TOP1MT: variants seen among roughly 807,000 people sequenced by gnomAD.
The protein encoded by TOP1MT is DNA topoisomerase I mitochondrial.
In TOP1MT, 80 loss-of-function variants were observed where a neutral mutation model predicts 73.9. The observed-to-expected ratio is 1.08, with a 90% CI of 0.90 to 1.30. TOP1MT has a LOEUF of 1.30. Ranked by LOEUF, TOP1MT falls within the 50% of genes most tolerant of loss-of-function variation. The pLI, the probability that TOP1MT is intolerant of heterozygous loss-of-function variation, is 0.00. For synonymous variants in TOP1MT, 338 were observed against 326.4 expected (o/e 1.04, Z -0.38); for missense variants, 815 against 808.0 (o/e 1.01, Z -0.10).
At chr8:143,332,278 G>A (rs998744960) in intron 1 of TOP1MT, among the ~76,000 whole-genome samples, 6 of 152,254 alleles carry the variant, frequency 3.9e-5, no homozygotes, top group African/African-American at 7.2e-5. Flanking sequence ...GCGAGATGGG[G>A]CGTGGCTGGC....
At position 143,315,833 on chromosome 8, in the gene TOP1MT, G is replaced by A. The variant is rs1816143646; in HGVS notation, c.1459-12C>T. On this transcript the variant is annotated splice_polypyrimidine_tract_variant and intron_variant, in intron 11 of 13. Transcript: ENST00000329245. ...TTCTTTGCCTGGATCTGCAGGAAAA[G>A]GGTCCAGACAGGGCTGCCCCTCCCC... is the stretch of plus-strand genomic sequence containing the variant. 54 of 1,612,672 alleles carry A rather than the reference G, an allele frequency of 3.3e-5. No homozygotes were observed. The highest frequency in any genetic ancestry group is 4.2e-5 in the Non-Finnish European group (50 of 1,179,876).
At chr8:143,316,164 G>A (rs1406618120) in intron 10 of TOP1MT, 38 bp from the exon 11 acceptor site, 2 of 1,613,288 alleles carry the variant, frequency 1.2e-6, no homozygotes, top group South Asian at 1.1e-5. Flanking sequence ...CACCCACGGG[G>A]CCGGCCACCC....
At position 143,341,562 on chromosome 8, in the gene TOP1MT, G is replaced by A. The variant is rs2130403614; in HGVS notation, c.29+1658C>T. Among the ~76,000 whole-genome samples the A allele has an allele frequency of 1.3e-5, 2 of 152,362 alleles. 1 individual carries two copies. Among genetic ancestry groups the A allele is most frequent in the South Asian group, 4.1e-4 (2 of 4,826 alleles). On this transcript the variant is annotated intron_variant, in intron 2 of 5. Transcript: ENST00000518007. The surrounding 1 kb of genome is among the most constrained non-coding windows in gnomAD (Gnocchi z 4.1). ...CACCCCAGCAATGGCTGCCCTCCAT[G>A]GGCCTAACAGATGCTTTTAACTCAG...
intron 3 of TOP1MT, among the ~76,000 whole-genome samples, chr8:143,328,780 C>T (rs1816771660): frequency 6.6e-6 from 1 of 152,240 alleles, no homozygotes; most frequent in Non-Finnish European, 1.5e-5. Flanking sequence ...CAGGAAGATG[C>T]TGCGGGACAA....
At chr8:143,337,665 C>G (rs1243539724), upstream of TOP1MT, among the ~76,000 whole-genome samples, 1 of 152,132 alleles carries the variant, frequency 6.6e-6, no homozygotes, top group Non-Finnish European at 1.5e-5. Context: ...TTAAATTAGC[C>G]AGGCATGATG....
At position 143,329,203 on chromosome 8, in the gene TOP1MT, G is replaced by A. The variant is rs567291689; in HGVS notation, c.360+147C>T. 2.4e-3 allele frequency: 2,088 copies of A among 883,380 alleles called. 5 individuals are homozygous for A. Among genetic ancestry groups the A allele is most frequent in the Non-Finnish European group, 3.2e-3 (1,911 of 593,996 alleles). The allele number at this position is 883,380 out of a possible 1,614,324, so 54.7% of individuals were successfully genotyped here. ...GATGGCTTGAGCCCAGGAGCTCGAA[G>A]CTGCAAAGAGCCATGACGGCACCTG... On this transcript the variant is annotated intron_variant, in intron 3 of 13. Transcript: ENST00000329245.
At chr8:143,329,973 T>G (rs1816809888) in intron 2 of TOP1MT, among the ~76,000 whole-genome samples, 1 of 151,962 alleles carries the variant, frequency 6.6e-6, no homozygotes, top group Non-Finnish European at 1.5e-5. Flanking sequence ...GCGAGCAGAG[T>G]GAGAGGCTCG....
intron 4 of TOP1MT, among the ~76,000 whole-genome samples, chr8:143,325,756 C>T (rs75002748): frequency 0.028 from 4,214 of 152,230 alleles, 210 homozygotes; most frequent in African/African-American, 0.097. Context: ...CTGGACTCCC[C>T]GGCCCCTGCA....
chr8:143,318,347 G>A (rs187665579), intron 8 of TOP1MT, among the ~76,000 whole-genome samples: 14 of 152,314 alleles, frequency 9.2e-5, no homozygotes, highest in Admixed American at 2.0e-4. Flanking sequence ...GGGTGACCGC[G>A]GCAGGTGGCC....
rs772323473 is a variant in TOP1MT at position 143,317,717 on chromosome 8, G to C, written c.1330+6C>G. 4 of 1,611,294 alleles carry C rather than the reference G, an allele frequency of 2.5e-6. No individual in the cohort carries two copies. ...CGCGCTGAGTGTGGGTGTGGGGCAG[G>C]CTCACCGCGCGTCAGGGCCCGCAGC... is the stretch of plus-strand genomic sequence containing the variant. On this transcript the variant is annotated splice_donor_region_variant and intron_variant, in intron 10 of 13. Transcript: ENST00000329245.
At chr8:143,331,574 C>T (rs900230774) in intron 1 of TOP1MT, among the ~76,000 whole-genome samples, 3 of 152,208 alleles carry the variant, frequency 2.0e-5, no homozygotes, top group Non-Finnish European at 4.4e-5. Context: ...TGCTGAGTCA[C>T]GGATCCCACC....
chr8:143,340,525 C>T (rs1225425516), intron 2 of TOP1MT, among the ~76,000 whole-genome samples: 1 of 152,078 alleles, frequency 6.6e-6, no homozygotes, highest in Admixed American at 6.5e-5. Flanking sequence ...CCCCCTCCTT[C>T]CACTTCTCTC....
intron 8 of TOP1MT, among the ~76,000 whole-genome samples, chr8:143,320,837 C>T (rs1339949479): frequency 6.6e-6 from 1 of 152,176 alleles, no homozygotes; most frequent in Non-Finnish European, 1.5e-5. Context: ...GCTCTGCCAG[C>T]ACCTTGACTC....
chr8:143,348,608 G>A (rs1451087359), upstream of TOP1MT, among the ~76,000 whole-genome samples: 3 of 118,162 alleles, frequency 2.5e-5, no homozygotes. The surrounding 1 kb of genome is among the most constrained non-coding windows in gnomAD (Gnocchi z 4.6). Flanking sequence ...CTGGGGGGTG[G>A]GGGGGGGTGG....
chr8:143,317,824 T>C lies in TOP1MT; in HGVS notation c.1229A>G (p.Asn410Ser), dbSNP rs1563755024. The part of the protein sequence containing the change: ...LFDRLTTTSL[N>S]KHLQELMDGL... ...GTCCATCAGCTCCTGGAGGTGCTTGTTCAGGCTGGTCGTCTGGGGAGGAAA... is the reference window on the plus strand; with the variant it reads ...GTCCATCAGCTCCTGGAGGTGCTTGCTCAGGCTGGTCGTCTGGGGAGGAAA... The change falls in exon 10 of 14, where the codon AAC (asparagine) becomes AGC (serine). Residue 410 changes from asparagine (N) to serine (S), a missense_variant. Physicochemically the swap from Asn to Ser is conservative, Grantham distance 46 (BLOSUM62 1). Coordinates refer to ENST00000329245, the MANE Select transcript of TOP1MT (RefSeq NM_052963.3). 3.1e-6 allele frequency: 5 copies of C among 1,614,168 alleles called. No homozygotes were observed. The highest frequency in any genetic ancestry group is 3.4e-6 in the Non-Finnish European group (4 of 1,180,020).
At chr8:143,342,743 C>T (rs1210786444) in intron 2 of TOP1MT, among the ~76,000 whole-genome samples, 3,423 of 92,936 alleles carry the variant, frequency 0.037, 286 homozygotes, top group Non-Finnish European at 0.064. Flanking sequence ...CAGAGTCTCG[C>T]TCTGTTATTA....
chr8:143,317,435 C>G (rs1816199095), intron 10 of TOP1MT, among the ~76,000 whole-genome samples: 4 of 152,212 alleles, frequency 2.6e-5, no homozygotes, highest in Admixed American at 6.5e-5. Context: ...TGAGGAGGAG[C>G]TGAGGAACAC....
chr8:143,313,029 G>A (rs1816053264), intron 12 of TOP1MT, among the ~76,000 whole-genome samples: 1 of 152,208 alleles, frequency 6.6e-6, no homozygotes, highest in Non-Finnish European at 1.5e-5. Flanking sequence ...GGTGAGCTAG[G>A]ATGCTGAGAC....
chr8:143,318,563 G>A (rs1015874243), intron 8 of TOP1MT, among the ~76,000 whole-genome samples: 6 of 152,172 alleles, frequency 3.9e-5, no homozygotes. Context: ...ACGCCAGCCT[G>A]CACCTGCACC....
Sources: allele counts gnomAD v4.1 joint callset (sites outside exome capture counted in the v4.1 genomes callset), GRCh38; gene constraint gnomAD v4.1.1; non-coding constraint Gnocchi (gnomAD v3.1); transcripts MANE v1.5; gene names NCBI Gene and HGNC (gene_info 2026-07-23, HGNC 2026-07-21).